The following CSGALNACT1 variants were observed in gnomAD, a reference collection of about 807,000 sequenced individuals.
CSGALNACT1 encodes the protein chondroitin sulfate N-acetylgalactosaminyltransferase 1.
In CSGALNACT1, 52 loss-of-function variants were observed where a neutral mutation model predicts 51.0. That is an observed-to-expected ratio of 1.02 (90% CI 0.82 to 1.29). CSGALNACT1 has a LOEUF of 1.29. Among genes scored for constraint, CSGALNACT1 ranks in the 50% most tolerant of loss-of-function variants. CSGALNACT1 has a pLI of 0.00. For synonymous variants in CSGALNACT1, 341 were observed against 254.4 expected, an observed-to-expected ratio of 1.34 and a Z score of -3.24; for missense variants, 935 against 679.2, an observed-to-expected ratio of 1.38 and a Z score of -4.19.
intron 5 of CSGALNACT1, among the ~76,000 whole-genome samples, chr8:19,450,166 A>AGG (rs2062875778): frequency 3.4e-5 from 1 of 29,246 alleles, no homozygotes; most frequent in Non-Finnish European, 6.5e-5. Flanking sequence ...GGAGAGGGAG[A>AGG]AGGGGGAGAG....
intron 5 of CSGALNACT1, among the ~76,000 whole-genome samples, chr8:19,441,675 TA>T (rs2061353285): frequency 6.6e-6 from 1 of 152,164 alleles, no homozygotes; most frequent in Non-Finnish European, 1.5e-5. Flanking sequence ...ACTTCATGTC[TA>T]AAACACCAAA....
At chr8:19,559,127 A>T (rs2040139612) in intron 3 of CSGALNACT1, among the ~76,000 whole-genome samples, 1 of 152,186 alleles carries the variant, frequency 6.6e-6, no homozygotes, top group Middle Eastern at 3.2e-3. Flanking sequence ...AACAACAAAG[A>T]TGGTATCTGA....
intron 5 of CSGALNACT1, among the ~76,000 whole-genome samples, chr8:19,448,631 G>A (rs2062558576): frequency 6.6e-6 from 1 of 152,114 alleles, no homozygotes; most frequent in African/African-American, 2.4e-5. Flanking sequence ...GAGGAGGAGG[G>A]GGATCCAGGC....
chr8:19,686,062 T>C (rs17481200), upstream of CSGALNACT1, among the ~76,000 whole-genome samples: 15,541 of 152,224 alleles, frequency 0.1, 920 homozygotes, highest in Non-Finnish European at 0.13. Context: ...TTTACACAAA[T>C]GACTACACAG....
chr8:19,682,807 G>A (rs573451769), upstream of CSGALNACT1: 1 of 451,738 alleles, frequency 2.2e-6, no homozygotes, highest in Non-Finnish European at 4.4e-6. Flanking sequence ...TTTCCGGCCA[G>A]CACAGATAAC....
chr8:19,563,138 G>T (rs1001768685), intron 3 of CSGALNACT1, among the ~76,000 whole-genome samples: 1 of 152,152 alleles, frequency 6.6e-6, no homozygotes, highest in African/African-American at 2.4e-5. Flanking sequence ...GGACATGGAC[G>T]GAGCTAGAAG....
chr8:19,584,222 C>T (rs1049966794), intron 3 of CSGALNACT1, among the ~76,000 whole-genome samples: 1 of 152,208 alleles, frequency 6.6e-6, no homozygotes, highest in African/African-American at 2.4e-5. Context: ...CCTCCCAGAG[C>T]TAACATTTGA....
At chr8:19,755,183 G>C (rs374859526) in intron 1 of CSGALNACT1, among the ~76,000 whole-genome samples, 2 of 152,218 alleles carry the variant, frequency 1.3e-5, no homozygotes, top group East Asian at 3.9e-4. Context: ...ATTAAGAACA[G>C]AGCTAGAGCA....
intron 3 of CSGALNACT1, among the ~76,000 whole-genome samples, chr8:19,556,614 A>G (rs2154091134): frequency 6.6e-6 from 1 of 152,320 alleles, no homozygotes; most frequent in East Asian, 1.9e-4. Context: ...CACAATCAGA[A>G]CACAGCATTA....
intron 6 of CSGALNACT1, among the ~76,000 whole-genome samples, chr8:19,434,733 T>C (rs7844175): frequency 0.65 from 99,034 of 151,882 alleles, 32,784 homozygotes; most frequent in East Asian, 0.84. Flanking sequence ...CTACTCCCTG[T>C]CCCTGTTTCC....
At chr8:19,731,788 G>A (rs558966927) in intron 1 of CSGALNACT1, among the ~76,000 whole-genome samples, 1 of 152,260 alleles carries the variant, frequency 6.6e-6, no homozygotes, top group Admixed American at 6.5e-5. Flanking sequence ...TCTTGATCAA[G>A]AAACAGCAGA....
intron 3 of CSGALNACT1, among the ~76,000 whole-genome samples, chr8:19,579,911 G>A (rs1010059826): frequency 6.6e-6 from 1 of 152,202 alleles, no homozygotes; most frequent in Non-Finnish European, 1.5e-5. Context: ...GCTGGATGAA[G>A]AAGAAGGAAG....
chr8:19,500,120 A>G (rs971668375), intron 4 of CSGALNACT1, among the ~76,000 whole-genome samples: 1 of 152,186 alleles, frequency 6.6e-6, no homozygotes, highest in Non-Finnish European at 1.5e-5. Context: ...CTGGTGAGAG[A>G]GGAACCTTCT....
At chr8:19,409,083 C>G (rs2055040520) in intron 8 of CSGALNACT1, among the ~76,000 whole-genome samples, 1 of 152,162 alleles carries the variant, frequency 6.6e-6, no homozygotes, top group Admixed American at 6.5e-5. Context: ...AGGCTTGGGC[C>G]CCTTACACAA....
intron 3 of CSGALNACT1, among the ~76,000 whole-genome samples, chr8:19,525,009 A>G (rs1395500100): frequency 6.6e-6 from 1 of 152,212 alleles, no homozygotes; most frequent in African/African-American, 2.4e-5. Flanking sequence ...AAATTGAGAA[A>G]TAGTGCCTAG....
intron 4 of CSGALNACT1, among the ~76,000 whole-genome samples, chr8:19,500,662 G>C (rs55851368): frequency 6.6e-6 from 1 of 152,090 alleles, no homozygotes; most frequent in Non-Finnish European, 1.5e-5. Context: ...CTATCCCCGT[G>C]AGGTGTTTGT....
chr8:19,439,821 T>C lies in CSGALNACT1; in HGVS notation c.953+9A>G, dbSNP rs1417997950. 2 of 1,601,722 alleles carry C rather than the reference T, an allele frequency of 1.2e-6. No homozygotes were observed. The highest frequency in any genetic ancestry group is 1.7e-5 in the Admixed American group (1 of 59,960). On this transcript the variant is annotated intron_variant, in intron 6 of 9. Transcript: ENST00000454498. Reference sequence around the variant, plus strand: ...AGGATTCCTTATGACAGCTCCGTATTGTACTCACTTGGAAGTGTTTTCAAG... The same window carrying C: ...AGGATTCCTTATGACAGCTCCGTATCGTACTCACTTGGAAGTGTTTTCAAG...
rs1406113101 is a variant in CSGALNACT1 at position 19,666,785 on chromosome 8, AAGAAAGAAAGAAAGAAAGAAAGAAAG to A, written c.-544+15662_-544+15687del. Among the ~76,000 whole-genome samples the A allele has an allele frequency of 9.4e-4, 21 of 22,420 alleles. 1 individual carries two copies. Among genetic ancestry groups the A allele is most frequent in the African/African-American group, 2.0e-3 (7 of 3,486 alleles). 14.7% of individuals were successfully genotyped at this position (22,420 alleles called of 152,430 possible). On this transcript the variant is annotated intron_variant, in intron 1 of 9. Coordinates refer to the CSGALNACT1 transcript ENST00000332246. ...GAAGAAAGAAAGAAAGAAAGAAAGA[AAGAAAGAAAGAAAGAAAGAAAGAAAG>A]AGAGAGAGAGAGAGAGAGAGAGAAA...
chr8:19,701,161 T>G (rs1330271282), intron 1 of CSGALNACT1, among the ~76,000 whole-genome samples: 3 of 138,732 alleles, frequency 2.2e-5, no homozygotes, highest in African/African-American at 5.2e-5. Flanking sequence ...CCGTTTTTTT[T>G]TTTTTTTTTT....
Sources: allele counts gnomAD v4.1 joint callset (sites outside exome capture counted in the v4.1 genomes callset), GRCh38; gene constraint gnomAD v4.1.1; transcripts MANE v1.5; gene names NCBI Gene and HGNC (gene_info 2026-07-23, HGNC 2026-07-21).